SHANK2: variants seen among roughly 807,000 people sequenced by gnomAD.
SHANK2 encodes SH3 and multiple ankyrin repeat domains protein 2.
In SHANK2, 43 loss-of-function variants were observed where a neutral mutation model predicts 133.7. The ratio of observed to expected loss-of-function variants is 0.32; its 90% CI spans 0.25 to 0.41. The LOEUF (loss-of-function observed/expected upper bound fraction) is 0.41, where lower values mean the gene tolerates loss of function less well. Among genes scored for constraint, SHANK2 ranks in the 10% least tolerant of loss-of-function variants. The pLI is 1.00. For missense variants in SHANK2, 1,994 were observed against 2,235.8 expected, an observed-to-expected ratio of 0.89 and a Z score of 2.18; for synonymous variants, 1,017 against 952.8, an observed-to-expected ratio of 1.07 and a Z score of -1.24.
chr11:70,835,851 G>C (rs1555059906), intron 11 of SHANK2, among the ~76,000 whole-genome samples: 1 of 152,098 alleles, frequency 6.6e-6, no homozygotes, highest in Admixed American at 6.5e-5. Context: ...AATCCTACAG[G>C]CTAGACAAAC....
rs1195397691 is a variant in SHANK2, at chr11:70,485,661, G to C, written c.4632C>G (p.Pro1544=). The change falls in exon 25 of 26, where the codon CCC becomes CCG. Residue 1544 remains proline, a synonymous_variant. Transcript: ENST00000601538. This position sits in a 1 kb window ranked among gnomAD's most constrained non-coding sequence, Gnocchi z 5.8. ...TCATTTTTGGCTTAGGAGGTACTGG[G>C]GGTTTGTCAACCATAAATGCTTGCC... is the stretch of plus-strand genomic sequence containing the variant. ...ADGQAFMVDK[P]PVPPKPKMKP... is the part of the protein sequence containing the mutation. 1.2e-6 allele frequency: 2 copies of C among 1,614,090 alleles called. No homozygotes were observed. Among genetic ancestry groups the C allele is most frequent in the Non-Finnish European group, 1.7e-6 (2 of 1,180,036 alleles).
chr11:71,142,856 G>C (rs1362352372), intron 3 of SHANK2, among the ~76,000 whole-genome samples: 2 of 150,900 alleles, frequency 1.3e-5, no homozygotes, highest in African/African-American at 4.9e-5. Flanking sequence ...AAATAAATCT[G>C]TTGGCCTCAA....
At chr11:71,098,772 A>G (rs1555096060) in intron 6 of SHANK2, among the ~76,000 whole-genome samples, 2 of 152,100 alleles carry the variant, frequency 1.3e-5, no homozygotes, top group South Asian at 2.1e-4. Flanking sequence ...ATGCAGACAA[A>G]CTCCAAGCAA....
intron 21 of SHANK2, chr11:70,496,946 CT>C (rs1342214704): frequency 3.1e-5 from 14 of 456,530 alleles, no homozygotes; most frequent in African/African-American, 1.8e-4. Flanking sequence ...ATCCCTGAAA[CT>C]GTGGCCACCT....
intron 11 of SHANK2, among the ~76,000 whole-genome samples, chr11:70,859,824 C>G (rs1005028257): frequency 6.6e-6 from 1 of 152,186 alleles, no homozygotes. Flanking sequence ...GCACTAAGCC[C>G]TCTTTCCCTA....
In SHANK2 at chr11:70,505,931, G is replaced by A. The variant is rs562448318; in HGVS notation, c.2062-3000C>T. On this transcript the variant is annotated intron_variant, in intron 17 of 25. Transcript: ENST00000601538. Reference sequence around the variant, plus strand: ...GGTTCATTTGTGGTGGCTGGATGCTGTCCTTCTGTGATCTTGGCCAGAGCT... The same window carrying A: ...GGTTCATTTGTGGTGGCTGGATGCTATCCTTCTGTGATCTTGGCCAGAGCT... Among the ~76,000 whole-genome samples, 133 of 152,324 alleles carry A rather than the reference G, an allele frequency of 8.7e-4. 1 individual carries two copies. In the Middle Eastern group the frequency reaches 0.017, roughly 19 times the overall value.
intron 8 of SHANK2, among the ~76,000 whole-genome samples, chr11:71,086,272 T>C (rs1951412978): frequency 5.2e-5 from 1 of 19,266 alleles, no homozygotes; most frequent in African/African-American, 2.5e-4. Context: ...ATATTATATA[T>C]GTTATATTAT....
intron 17 of SHANK2, among the ~76,000 whole-genome samples, chr11:70,514,511 A>C (rs1276773178): frequency 1.3e-5 from 2 of 152,244 alleles, no homozygotes; most frequent in Non-Finnish European, 2.9e-5. Context: ...TGTTTTAGGC[A>C]AAAATAATAC....
chr11:71,056,315 C>G (rs1371936240), intron 10 of SHANK2, among the ~76,000 whole-genome samples, 166 bp downstream of exon 10: 3 of 152,220 alleles, frequency 2.0e-5, no homozygotes, highest in Admixed American at 1.3e-4. Context: ...GGGGCAGCAG[C>G]TTTGCACTAA....
At chr11:70,740,323 T>C (rs922775909) in intron 14 of SHANK2, among the ~76,000 whole-genome samples, 17 of 152,166 alleles carry the variant, frequency 1.1e-4, no homozygotes, top group African/African-American at 4.1e-4. Context: ...TGACAACCCA[T>C]GAGAAGGGCT....
chr11:70,485,985 G>A lies in SHANK2; in HGVS notation c.4308C>T (p.Asp1436=), dbSNP rs782771791. ...DRAASVPALS[D]LVKQKKSDTP... ...TGTCGCTTTTCTTCTGCTTCACTAA[G>A]TCTGAGAGAGCCGGGACAGAAGCTG... The change falls in exon 25 of 26, where the codon GAC becomes GAT. Residue 1436 remains aspartate, a synonymous_variant. Transcript: ENST00000601538. This position sits in a 1 kb window ranked among gnomAD's most constrained non-coding sequence, Gnocchi z 5.8. The A allele has an allele frequency of 2.5e-6, 4 of 1,613,988 alleles. No individual in the cohort carries two copies. In the Admixed American group the frequency reaches 5.0e-5, roughly 20 times the overall value.
At chr11:70,502,671 C>G (rs1157583413) in intron 18 of SHANK2, 125 bp downstream of exon 18, 8 of 1,152,702 alleles carry the variant, frequency 6.9e-6, no homozygotes, top group Non-Finnish European at 9.8e-6. Context: ...ACCCCTGTGC[C>G]TGGGCTCTCA....
chr11:70,833,098 G>C (rs764011199), intron 11 of SHANK2, among the ~76,000 whole-genome samples: 8 of 152,242 alleles, frequency 5.3e-5, no homozygotes, highest in Non-Finnish European at 8.8e-5. Context: ...CTGTGGTTTC[G>C]AGTTCGAGCC....
At chr11:71,223,431 C>A (rs1954590465) in intron 2 of SHANK2, among the ~76,000 whole-genome samples, 1 of 152,210 alleles carries the variant, frequency 6.6e-6, no homozygotes, top group Non-Finnish European at 1.5e-5. Context: ...CTGTACCGAA[C>A]ATGTACAGAC....
intron 21 of SHANK2, among the ~76,000 whole-genome samples, chr11:70,497,830 A>G (rs1465621009): frequency 6.6e-6 from 1 of 152,250 alleles, no homozygotes; most frequent in African/African-American, 2.4e-5. Flanking sequence ...AGGACCACCC[A>G]GGCACCTGGT....
chr11:71,085,895 TA>T (rs1951394112), intron 8 of SHANK2, among the ~76,000 whole-genome samples: 1 of 748 alleles, frequency 1.3e-3, no homozygotes, highest in African/African-American at 2.3e-3. Context: ...CCTTAATATA[TA>T]TATTAATTAT....
intron 1 of SHANK2, among the ~76,000 whole-genome samples, chr11:71,234,572 C>T (rs1555123434): frequency 6.6e-6 from 1 of 152,152 alleles, no homozygotes; most frequent in East Asian, 1.9e-4. Flanking sequence ...GTCGGGGGGC[C>T]TGTCTGTAGG....
chr11:70,609,597 T>A (rs1183154426), intron 17 of SHANK2, among the ~76,000 whole-genome samples: 2 of 151,998 alleles, frequency 1.3e-5, no homozygotes, highest in Non-Finnish European at 2.9e-5. Context: ...ACGTGGCACG[T>A]ACAAATGATG....
At chr11:70,563,564 G>A (rs1211384082) in intron 17 of SHANK2, among the ~76,000 whole-genome samples, 1 of 139,824 alleles carries the variant, frequency 7.2e-6, no homozygotes, top group African/African-American at 2.7e-5. Context: ...TTGAGATGGA[G>A]TTTTGCTTTT....
Sources: gnomAD v4.1 joint callset for allele counts (sites outside exome capture counted in the v4.1 genomes callset) on GRCh38, gnomAD v4.1.1 for gene constraint, Gnocchi (gnomAD v3.1) non-coding constraint, MANE v1.5 for transcripts, NCBI Gene and HGNC (gene_info 2026-07-23, HGNC 2026-07-21) for gene names.